Variants in SPART observed in about 807,000 individuals in gnomAD.
SPART encodes spastic paraplegia 20 (Troyer syndrome).
SPART carries 35 observed loss-of-function variants against 58.7 expected under a neutral mutation model. That is an observed-to-expected ratio of 0.60 (90% CI 0.46 to 0.79). The LOEUF (loss-of-function observed/expected upper bound fraction) is 0.79. Among genes scored for constraint, SPART ranks in the 30% least tolerant of loss-of-function variants. The pLI, the probability that SPART is intolerant of heterozygous loss-of-function variation, is 0.00. For synonymous variants in SPART, 284 were observed against 280.7 expected (o/e 1.01, Z -0.12); for missense variants, 730 against 786.1 (o/e 0.93, Z 0.85).
At chr13:36,359,354 C>T (rs1335135412) in intron 1 of SPART, among the ~76,000 whole-genome samples, 2 of 152,190 alleles carry the variant, frequency 1.3e-5, no homozygotes, top group African/African-American at 2.4e-5. Context: ...TCTTATACCA[C>T]AGTGTCTTAT....
intron 6 of SPART, 154 bp downstream of exon 6, chr13:36,314,073 G>A (rs773873277): frequency 2.7e-5 from 20 of 735,180 alleles, no homozygotes; most frequent in African/African-American, 5.3e-5. Flanking sequence ...TTGCTGGTCC[G>A]CAGGTCTCAC....
chr13:36,339,555 C>T lies in SPART; in HGVS notation c.-2-3723G>A, dbSNP rs557378313. Among the ~76,000 whole-genome samples the T allele has an allele frequency of 7.3e-5, 10 of 136,142 alleles. No homozygotes were observed. The East Asian group carries it at 1.8e-3, about 24-fold the overall frequency. The allele number at this position is 136,142 out of a possible 152,430, so 89.3% of individuals were successfully genotyped here. A position where few individuals can be genotyped will look rare whatever the true frequency, so the allele number is the denominator to read the frequency against. ...CTGAGACAGGAGAATTGCTTGAACC[C>T]GGAAGGCAGAGGTTGCACTGAGCCG... is the stretch of plus-strand genomic sequence containing the variant. On this transcript the variant is annotated intron_variant, in intron 1 of 8. Transcript: ENST00000438666.
chr13:36,348,426 A>G (rs187262744), upstream of SPART, among the ~76,000 whole-genome samples: 51 of 152,382 alleles, frequency 3.3e-4, no homozygotes, highest in Admixed American at 2.7e-3. Flanking sequence ...AAACATGTAG[A>G]ATTTCTATAC....
chr13:36,337,723 T>C (rs1166323253), intron 1 of SPART, among the ~76,000 whole-genome samples: 1 of 152,212 alleles, frequency 6.6e-6, no homozygotes, highest in African/African-American at 2.4e-5. Flanking sequence ...ATCTTGGTTA[T>C]CAGATCAACT....
rs547906595 is a variant in SPART at position 36,303,017 on chromosome 13, T to G, written c.*1348A>C. ...TTTCTTAAACAAAGCATAGACTGTCTGTAAGCTATTTACCACTTCACTTTT... is the reference window on the plus strand; with the variant it reads ...TTTCTTAAACAAAGCATAGACTGTCGGTAAGCTATTTACCACTTCACTTTT... On this transcript the variant is annotated 3_prime_UTR_variant, in exon 9 of 9. Coordinates refer to ENST00000438666, the MANE Select transcript of SPART (RefSeq NM_015087.5). The G allele has an allele frequency of 6.6e-6, 1 of 152,338 alleles. No homozygotes were observed. Among genetic ancestry groups the G allele is most frequent in the African/African-American group, 2.4e-5 (1 of 41,572 alleles). The allele number at this position is 152,338 out of a possible 1,614,324, so 9.4% of individuals were successfully genotyped here. A position where few individuals can be genotyped will look rare whatever the true frequency, so the allele number is the denominator to read the frequency against.
rs375755637 is a variant in SPART, at chr13:36,363,989, C to CT, written c.-3+6099dup. On this transcript the variant is annotated intron_variant, in intron 1 of 8. Transcript: ENST00000355182. ...GATTTTACCAGTTTTTACATGCACT[C>CT]TTTTTTTGGGCTGGGGGACGGTATG... 7.0e-3 allele frequency among the ~76,000 whole-genome samples: 1,067 copies of CT among 152,112 alleles called. 19 individuals are homozygous for CT. The highest frequency in any genetic ancestry group is 0.025 in the African/African-American group (1,022 of 41,490).
At chr13:36,326,418 C>G in intron 5 of SPART, 157 bp downstream of exon 5, 1 of 832,970 alleles carries the variant, frequency 1.2e-6, no homozygotes, top group East Asian at 2.7e-5. Context: ...TCTGATGTTT[C>G]AAAAGACTAG....
chr13:36,323,287 G>A lies in SPART; in HGVS notation c.1288+3288C>T, dbSNP rs146829844. On this transcript the variant is annotated intron_variant, in intron 5 of 8. Coordinates refer to ENST00000438666, the MANE Select transcript of SPART (RefSeq NM_015087.5). ...ACCACTAAAGTGTTTCAGAATGGTTGAAGGTAGATTGCTCCAAAGGTGGGC... is the reference window on the plus strand; with the variant it reads ...ACCACTAAAGTGTTTCAGAATGGTTAAAGGTAGATTGCTCCAAAGGTGGGC... Among the ~76,000 whole-genome samples, 170 of 152,296 alleles carry A rather than the reference G, an allele frequency of 1.1e-3. 1 individual carries two copies. Among genetic ancestry groups the A allele is most frequent in the Non-Finnish European group, 1.7e-3 (117 of 68,020 alleles).
At chr13:36,362,363 A>AC (rs1326330286) in intron 1 of SPART, among the ~76,000 whole-genome samples, 3 of 151,510 alleles carry the variant, frequency 2.0e-5, no homozygotes, top group Non-Finnish European at 4.4e-5. Context: ...AAAAAAAAAA[A>AC]AAAATACCCA....
chr13:36,314,411 C>G lies in SPART; in HGVS notation c.1299G>C (p.Trp433Cys). The change falls in exon 6 of 9, where the codon TGG (tryptophan) becomes TGC (cysteine). Residue 433 changes from tryptophan to cysteine, a missense_variant. Physicochemically the swap from Trp to Cys is radical, Grantham distance 215 (BLOSUM62 -2). Coordinates refer to ENST00000438666, the MANE Select transcript of SPART (RefSeq NM_015087.5). Reference protein sequence around the residue: ...VAHNILSGASWVSWGLVKGAE... With the variant: ...VAHNILSGASCVSWGLVKGAE... ...CACCTTTGACTAAACCCCAACTCAC[C>G]CAGGAAGCACCTTTTTAAAAGAAAA... The G allele has an allele frequency of 6.2e-7, 1 of 1,614,030 alleles. No individual in the cohort carries two copies. Among genetic ancestry groups the G allele is most frequent in the Non-Finnish European group, 8.5e-7 (1 of 1,179,998 alleles).
chr13:36,330,162 A>G (rs1230186781), intron 3 of SPART, among the ~76,000 whole-genome samples: 2 of 152,214 alleles, frequency 1.3e-5, no homozygotes, highest in Admixed American at 1.3e-4. Flanking sequence ...CAGTTAACGT[A>G]GGGGTGAAGG....
chr13:36,335,628 C>T lies in SPART; in HGVS notation c.203G>A (p.Gly68Asp), dbSNP rs765860051. ...CTGTCTAGCAGATTCCCACCCAGGACCTGTGTGTTCAGACTCTTTTGATGA... is the reference window on the plus strand; with the variant it reads ...CTGTCTAGCAGATTCCCACCCAGGATCTGTGTGTTCAGACTCTTTTGATGA... Reference protein sequence around the residue: ...SISSKESEHTGPGWESARQMQ... With the variant: ...SISSKESEHTDPGWESARQMQ... Residue 68 changes from glycine (G) to aspartate (D), a missense_variant, in exon 2 of 9, where the codon GGT becomes GAT. Physicochemically the swap from Gly to Asp is moderately conservative, Grantham distance 94. Coordinates refer to ENST00000438666, the MANE Select transcript of SPART (RefSeq NM_015087.5). 5 of 1,613,938 alleles carry T rather than the reference C, an allele frequency of 3.1e-6. No individual in the cohort carries two copies. In the African/African-American group the frequency reaches 4.0e-5, roughly 13 times the overall value.
In SPART at chr13:36,335,669, G is replaced by A; in HGVS notation, c.162C>T (p.Leu54=). The A allele has an allele frequency of 2.5e-6, 4 of 1,614,128 alleles. No individual in the cohort carries two copies. The highest frequency in any genetic ancestry group is 3.4e-6 in the Non-Finnish European group (4 of 1,180,020). Reference sequence around the variant, plus strand: ...CTTTTGATGAAATGCTGATCCCTCTGAGCAGGTGTCCTATTCCTTGCTTAT... The same window carrying A: ...CTTTTGATGAAATGCTGATCCCTCTAAGCAGGTGTCCTATTCCTTGCTTAT... ...NYYKQGIGHL[L]RGISISSKES... The change falls in exon 2 of 9, where the codon CTC becomes CTT. Residue 54 remains leucine (L), a synonymous_variant. Transcript: ENST00000438666.
At chr13:36,314,479 CT>C (rs1881477791) in intron 5 of SPART, 58 bp from the exon 6 acceptor site, 6 of 1,494,144 alleles carry the variant, frequency 4.0e-6, no homozygotes, top group Admixed American at 3.4e-5. Flanking sequence ...CTTTTGAACA[CT>C]TTAATAAATA....
intron 6 of SPART, among the ~76,000 whole-genome samples, chr13:36,313,189 T>A (rs1454544003): frequency 6.6e-6 from 1 of 152,100 alleles, no homozygotes. Flanking sequence ...GATCCCTCCC[T>A]CTTGACCCTC....
intron 1 of SPART, among the ~76,000 whole-genome samples, chr13:36,362,407 G>A (rs1417954446): frequency 6.6e-6 from 1 of 151,588 alleles, no homozygotes; most frequent in African/African-American, 2.4e-5. Flanking sequence ...CTCAGGAGGT[G>A]ACCAGCTGTG....
At chr13:36,350,358 G>A (rs1024459728), upstream of SPART, among the ~76,000 whole-genome samples, 12 of 152,224 alleles carry the variant, frequency 7.9e-5, no homozygotes, top group African/African-American at 2.4e-4. Flanking sequence ...ATTACATGGT[G>A]GACACTGACA....
chr13:36,346,396 T>C (rs2137672937), upstream of SPART: 1 of 152,196 alleles, frequency 6.6e-6, no homozygotes, highest in Middle Eastern at 3.4e-3. Context: ...AACCAAGACG[T>C]TCCACGACGC....
chr13:36,316,534 CCTGGCTCAAA>C (rs1881723087), intron 5 of SPART, among the ~76,000 whole-genome samples: 1 of 152,140 alleles, frequency 6.6e-6, no homozygotes, highest in African/African-American at 2.4e-5. Context: ...CCTGGCTCAT[CCTGGCTCAAA>C]AAGCACCCCC....
Sources: allele counts gnomAD v4.1 joint callset (sites outside exome capture counted in the v4.1 genomes callset), GRCh38; gene constraint gnomAD v4.1.1; transcripts MANE v1.5; gene names NCBI Gene and HGNC (gene_info 2026-07-23, HGNC 2026-07-21).